MAN2B2: variants seen among roughly 807,000 people sequenced by gnomAD.
MAN2B2 encodes the protein mannosidase alpha class 2B member 2.
A neutral mutation model predicts 117.1 loss-of-function variants in MAN2B2; 106 were observed. The ratio of observed to expected loss-of-function variants is 0.90; its 90% CI spans 0.77 to 1.06. The LOEUF (loss-of-function observed/expected upper bound fraction) is 1.06. Ranked by LOEUF, MAN2B2 falls within the 50% of genes least tolerant of loss-of-function variation. The pLI, the probability that MAN2B2 is intolerant of heterozygous loss-of-function variation, is 0.00. For synonymous variants in MAN2B2, 544 were observed against 595.1 expected, an observed-to-expected ratio of 0.91 and a Z score of 1.25; for missense variants, 1,326 against 1,381.4, an observed-to-expected ratio of 0.96 and a Z score of 0.64.
chr4:6,615,655 G>C (rs113503949), intron 16 of MAN2B2, among the ~76,000 whole-genome samples: 6,163 of 152,050 alleles, frequency 0.041, 219 homozygotes, highest in African/African-American at 0.092. Flanking sequence ...AAAAAATTAG[G>C]CGGGTGTGGT....
chr4:6,595,616 A>G (rs570778645), intron 7 of MAN2B2, among the ~76,000 whole-genome samples: 3 of 152,370 alleles, frequency 2.0e-5, no homozygotes, highest in African/African-American at 7.2e-5. Flanking sequence ...TCCCATGACA[A>G]TGACATTAAT....
At chr4:6,603,417 G>T (rs1727411434) in intron 10 of MAN2B2, among the ~76,000 whole-genome samples, 1 of 152,196 alleles carries the variant, frequency 6.6e-6, no homozygotes, top group Non-Finnish European at 1.5e-5. Context: ...GATGGTGACA[G>T]TGTGGAGTGG....
At chr4:6,575,620 T>TA (rs1341191435) in intron 1 of MAN2B2, among the ~76,000 whole-genome samples, 1 of 152,108 alleles carries the variant, frequency 6.6e-6, no homozygotes, top group African/African-American at 2.4e-5. Context: ...TTGACAGTGG[T>TA]AACCCATTTT....
chr4:6,600,407 C>T (rs1727281312), intron 9 of MAN2B2, among the ~76,000 whole-genome samples: 1 of 152,230 alleles, frequency 6.6e-6, no homozygotes, highest in South Asian at 2.1e-4. Flanking sequence ...CGAGCCCCTC[C>T]GCCTGCCCTG....
In MAN2B2 at chr4:6,605,124, TACCGGC is replaced by T; in HGVS notation, c.1612_1617del (p.Arg538_His539del). On this transcript the variant is annotated inframe_deletion, in exon 11 of 19. Coordinates refer to ENST00000285599, the MANE Select transcript of MAN2B2 (RefSeq NM_015274.3). ...TCTGACCACAATCCCAGGCCTCAGT[TACCGGC>T]ACTACAACATCAGACCCACTGCAGG... 1 of 1,614,082 alleles carries T rather than the reference TACCGGC, an allele frequency of 6.2e-7. No homozygotes were observed.
chr4:6,604,994 A>AC, intron 10 of MAN2B2, 61 bp from the exon 11 acceptor site: 1 of 1,553,686 alleles, frequency 6.4e-7, no homozygotes. Context: ...AGTAGTGAGC[A>AC]CCCCATTCCA....
chr4:6,591,740 G>A (rs1726868028), intron 5 of MAN2B2, among the ~76,000 whole-genome samples: 4 of 152,138 alleles, frequency 2.6e-5, no homozygotes, highest in South Asian at 2.1e-4. Flanking sequence ...GAAGGCTTTG[G>A]GTGAAGACTC....
At position 6,609,208 on chromosome 4, in the gene MAN2B2, C is replaced by A. The variant is rs199688075; in HGVS notation, c.1916C>A (p.Pro639Gln). The change falls in exon 12 of 19, where the codon CCG (proline) becomes CAG (glutamine). Residue 639 changes from proline to glutamine, a missense_variant. Pro to Gln is a moderately conservative substitution (Grantham distance 76, BLOSUM62 -1). Transcript: ENST00000285599. The part of the protein sequence containing the change: ...GPISDNYLFT[P>Q]GKAAVPAWEA... ...ATTTCCGATAACTACCTGTTCACACCGGGCAAGGCCGCGGTGCCTGCGTGG... is the reference window on the plus strand; with the variant it reads ...ATTTCCGATAACTACCTGTTCACACAGGGCAAGGCCGCGGTGCCTGCGTGG... 3.1e-6 allele frequency: 5 copies of A among 1,614,198 alleles called. No homozygotes were observed. In the East Asian group the frequency reaches 8.9e-5, roughly 29 times the overall value.
chr4:6,584,716 G>A (rs551454394), intron 3 of MAN2B2, among the ~76,000 whole-genome samples: 5 of 152,320 alleles, frequency 3.3e-5, no homozygotes, highest in East Asian at 3.9e-4. Flanking sequence ...GCCTGGAGCC[G>A]GCTCAGCCTG....
chr4:6,584,614 G>T (rs1396327333), intron 3 of MAN2B2, among the ~76,000 whole-genome samples: 1 of 152,240 alleles, frequency 6.6e-6, no homozygotes, highest in Non-Finnish European at 1.5e-5. Flanking sequence ...CCTAGTTAGA[G>T]GTTGGTTGGC....
At chr4:6,581,795 A>G (rs4574483) in intron 3 of MAN2B2, among the ~76,000 whole-genome samples, 50,000 of 151,114 alleles carry the variant, frequency 0.33, 9,453 homozygotes, top group East Asian at 0.6. Context: ...GGCCTGGGGC[A>G]CTGGGCCTGC....
At chr4:6,615,336 T>C (rs1010404673) in intron 16 of MAN2B2, among the ~76,000 whole-genome samples, 2 of 152,170 alleles carry the variant, frequency 1.3e-5, no homozygotes, top group African/African-American at 2.4e-5. Flanking sequence ...TCACCATTCC[T>C]GCTGTGTGGG....
intron 5 of MAN2B2, among the ~76,000 whole-genome samples, chr4:6,591,717 A>G (rs1338206159): frequency 6.6e-6 from 1 of 152,080 alleles, no homozygotes; most frequent in Non-Finnish European, 1.5e-5. Flanking sequence ...CTCGCTGTAC[A>G]CCTTCTTCCC....
chr4:6,611,709 G>A (rs1333074757), intron 15 of MAN2B2, among the ~76,000 whole-genome samples: 4 of 152,160 alleles, frequency 2.6e-5, no homozygotes, highest in Admixed American at 2.6e-4. Context: ...CAGGAGAATC[G>A]CTTGAACCCG....
chr4:6,578,082 G>A (rs1726137165), intron 2 of MAN2B2, among the ~76,000 whole-genome samples: 1 of 152,178 alleles, frequency 6.6e-6, no homozygotes, highest in Admixed American at 6.5e-5. Context: ...AGTGAACCTT[G>A]GGAAAGGATA....
chr4:6,593,081 G>A (rs764538946), intron 5 of MAN2B2, 92 bp from the exon 6 acceptor site: 19 of 1,225,306 alleles, frequency 1.6e-5, no homozygotes, highest in South Asian at 4.0e-5. Context: ...ATGTGCCAAG[G>A]TCCCAAGGCT....
intron 15 of MAN2B2, among the ~76,000 whole-genome samples, chr4:6,613,395 C>T (rs1311877728): frequency 6.6e-6 from 1 of 152,006 alleles, no homozygotes; most frequent in African/African-American, 2.4e-5. Context: ...TTAAGACTAG[C>T]CTGTGAGACC....
At chr4:6,582,550 G>A (rs1241991069) in intron 3 of MAN2B2, among the ~76,000 whole-genome samples, 2 of 152,256 alleles carry the variant, frequency 1.3e-5, no homozygotes, top group African/African-American at 2.4e-5. Flanking sequence ...ATGTTGGCCA[G>A]GCTGGTCTTG....
rs544072571 is a variant in MAN2B2, at chr4:6,601,552, C to T, written c.1539+796C>T. Among the ~76,000 whole-genome samples, 5 of 139,556 alleles carry T rather than the reference C, an allele frequency of 3.6e-5. No homozygotes were observed. The South Asian group carries it at 1.2e-3, about 35-fold the overall frequency. 91.6% of individuals were successfully genotyped at this position (139,556 alleles called of 152,430 possible). The stretch of plus-strand genomic sequence containing the variant: ...AACTCAGGGACAGCTGCAGGGAGCA[C>T]TGGTGAGGTGGAAGCAGGGAGGGCC... On this transcript the variant is annotated intron_variant, in intron 10 of 18. Transcript: ENST00000285599.
Sources: allele counts gnomAD v4.1 joint callset (sites outside exome capture counted in the v4.1 genomes callset), GRCh38; gene constraint gnomAD v4.1.1; transcripts MANE v1.5; gene names NCBI Gene and HGNC (gene_info 2026-07-23, HGNC 2026-07-21).